The following TGFBR3 variants were observed in gnomAD, a reference collection of about 807,000 sequenced individuals.
TGFBR3 encodes transforming growth factor beta receptor 3, also known as transforming growth factor beta receptor type 3.
In TGFBR3, 46 loss-of-function variants were observed where a neutral mutation model predicts 87.9. The ratio of observed to expected loss-of-function variants is 0.52; its 90% CI spans 0.41 to 0.67. The LOEUF is 0.67. Ranked by LOEUF, TGFBR3 falls within the 30% of genes least tolerant of loss-of-function variation. The pLI is 0.00. For missense variants in TGFBR3, 866 were observed against 1,041.9 expected, an observed-to-expected ratio of 0.83 and a Z score of 2.32; for synonymous variants, 381 against 391.6, an observed-to-expected ratio of 0.97 and a Z score of 0.32.
chr1:91,832,824 G>A (rs771740761), intron 2 of TGFBR3, among the ~76,000 whole-genome samples: 11 of 151,478 alleles, frequency 7.3e-5, no homozygotes, highest in Admixed American at 1.3e-4. Context: ...CCAACATGGC[G>A]AAACCCTGTC....
At chr1:91,856,477 A>G (rs993129924) in intron 2 of TGFBR3, among the ~76,000 whole-genome samples, 4 of 152,110 alleles carry the variant, frequency 2.6e-5, no homozygotes, top group African/African-American at 9.7e-5. Context: ...GAAGGAAAGA[A>G]AGGTTTTCAC....
intron 2 of TGFBR3, among the ~76,000 whole-genome samples, chr1:91,844,333 C>A (rs1677397707): frequency 6.6e-6 from 1 of 152,184 alleles, no homozygotes; most frequent in Non-Finnish European, 1.5e-5. Context: ...AAGAGGATAG[C>A]ATTACAGCTC....
intron 2 of TGFBR3, among the ~76,000 whole-genome samples, chr1:91,819,408 CCTTGTAAGCG>C: frequency 6.6e-6 from 1 of 152,022 alleles, no homozygotes; most frequent in South Asian, 2.1e-4. Context: ...ACTCCACTGA[CCTTGTAAGCG>C]AGGCCACTCC....
intron 3 of TGFBR3, among the ~76,000 whole-genome samples, chr1:91,786,750 CCAAAAAAAAAGA>C (rs1463397283): frequency 6.2e-5 from 9 of 144,944 alleles, no homozygotes; most frequent in Admixed American, 2.7e-4. Flanking sequence ...GACTGTGTCT[CCAAAAAAAAAGA>C]CAAAAAAAAA....
chr1:91,893,924 TA>T (rs34607132), intron 2 of TGFBR3, among the ~76,000 whole-genome samples: 146 of 143,022 alleles, frequency 1.0e-3, no homozygotes, highest in Middle Eastern at 7.3e-3. Context: ...AAAACTTCCT[TA>T]AAAAAAAAAA....
At chr1:91,884,982 G>A (rs1340774560) in intron 1 of TGFBR3, among the ~76,000 whole-genome samples, 1 of 152,254 alleles carries the variant, frequency 6.6e-6, no homozygotes, top group African/African-American at 2.4e-5. Flanking sequence ...CCACCGCAGG[G>A]CTAGCGGCAA....
At chr1:91,851,637 G>A (rs143823249) in intron 2 of TGFBR3, among the ~76,000 whole-genome samples, 1,640 of 152,306 alleles carry the variant, frequency 0.011, 41 homozygotes, top group African/African-American at 0.037. Flanking sequence ...ATACACAACC[G>A]TGTGCAAGGG....
At position 91,776,564 on chromosome 1, in the gene TGFBR3, CA is replaced by C. The variant is rs1674573269; in HGVS notation, c.247-17815del. On this transcript the variant is annotated intron_variant, in intron 3 of 16. Transcript: ENST00000212355. ...AACAGAGCTAACAGAATCTCCCTTCCAGGGGTGTTGAAAAAAACAAATAAAA... is the reference window on the plus strand; with the variant it reads ...AACAGAGCTAACAGAATCTCCCTTCCGGGGTGTTGAAAAAAACAAATAAAA... Among the ~76,000 whole-genome samples the C allele has an allele frequency of 2.0e-5, 3 of 152,240 alleles. No individual in the cohort carries two copies. The South Asian group carries it at 6.2e-4, about 32-fold the overall frequency.
intron 3 of TGFBR3, among the ~76,000 whole-genome samples, chr1:91,772,266 T>TG (rs1674406054): frequency 6.6e-6 from 1 of 152,176 alleles, no homozygotes. Context: ...ATTCACTAAA[T>TG]GAACTTCCAT....
At chr1:91,789,774 C>T (rs1025558091) in intron 3 of TGFBR3, among the ~76,000 whole-genome samples, 3 of 152,182 alleles carry the variant, frequency 2.0e-5, no homozygotes, top group African/African-American at 7.2e-5. Context: ...TGCCAGCTCT[C>T]GCTTGCATTG....
chr1:91,898,147 C>G (rs544666152), intron 2 of TGFBR3, among the ~76,000 whole-genome samples: 1 of 152,230 alleles, frequency 6.6e-6, no homozygotes, highest in South Asian at 2.1e-4. Flanking sequence ...TTGCACTCCC[C>G]TCAACCCCAG....
At chr1:91,787,930 C>T (rs1292947164) in intron 3 of TGFBR3, among the ~76,000 whole-genome samples, 2 of 132,482 alleles carry the variant, frequency 1.5e-5, no homozygotes, top group African/African-American at 7.1e-5. Flanking sequence ...AGAGCCAGAC[C>T]CTGTCTCACG....
chr1:91,864,034 GA>G (rs1269120796), intron 1 of TGFBR3: 1 of 152,112 alleles, frequency 6.6e-6, no homozygotes, highest in Non-Finnish European at 1.5e-5. Context: ...TTTTGATAAG[GA>G]AAAACCTCTC....
chr1:91,803,215 T>G (rs771496166), intron 2 of TGFBR3, among the ~76,000 whole-genome samples: 3 of 152,346 alleles, frequency 2.0e-5, no homozygotes, highest in Non-Finnish European at 4.4e-5. Context: ...GTTTTGGCCA[T>G]TCTGGTGAAG....
Position 91,885,356 on chromosome 1 carries a change from C to T in TGFBR3, c.-114+522G>A, listed in dbSNP as rs549755302. 4.0e-5 allele frequency among the ~76,000 whole-genome samples: 4 copies of T among 99,520 alleles called. No homozygotes were observed. The East Asian group carries it at 9.6e-4, about 24-fold the overall frequency. The allele number at this position is 99,520 out of a possible 152,430, so 65.3% of individuals were successfully genotyped here. ...ACAAGAAGAGAGCCTTCAAAATAAA[C>T]CGGGGCGGGGGGGGGCCGAGCTGCA... is the stretch of plus-strand genomic sequence containing the variant. On this transcript the variant is annotated intron_variant, in intron 1 of 16. Transcript: ENST00000212355.
chr1:91,875,425 T>C (rs762451355), intron 1 of TGFBR3, among the ~76,000 whole-genome samples: 6 of 151,604 alleles, frequency 4.0e-5, no homozygotes, highest in Non-Finnish European at 7.4e-5. Context: ...CGATAGGCTG[T>C]TGGAAATATG....
chr1:91,787,257 C>T (rs1028906395), intron 3 of TGFBR3, among the ~76,000 whole-genome samples: 7 of 152,070 alleles, frequency 4.6e-5, no homozygotes, highest in Non-Finnish European at 7.4e-5. Context: ...GCCGAGGTCA[C>T]GCCACTGCAC....
upstream of TGFBR3, among the ~76,000 whole-genome samples, chr1:91,888,490 G>A (rs976229834): frequency 2.0e-5 from 3 of 152,106 alleles, no homozygotes; most frequent in African/African-American, 2.4e-5. Context: ...ATCACTTGAG[G>A]TCAGGAGTTC....
intron 12 of TGFBR3, among the ~76,000 whole-genome samples, chr1:91,714,347 G>C (rs1672086555): frequency 6.6e-6 from 1 of 152,102 alleles, no homozygotes; most frequent in African/African-American, 2.4e-5. Flanking sequence ...TTAACAACTG[G>C]GTTTGTAAAT....
Sources: allele counts gnomAD v4.1 joint callset (sites outside exome capture counted in the v4.1 genomes callset), GRCh38; gene constraint gnomAD v4.1.1; transcripts MANE v1.5; gene names NCBI Gene and HGNC (gene_info 2026-07-23, HGNC 2026-07-21).